CTDSPL: variants seen among roughly 807,000 people sequenced by gnomAD.
CTDSPL encodes CTD small phosphatase-like protein.
Under a neutral mutation model 30.5 loss-of-function variants are expected in CTDSPL, and 8 were observed. That is an observed-to-expected ratio of 0.26 (90% confidence interval 0.15 to 0.47). CTDSPL has a LOEUF of 0.47. Among genes scored for constraint, CTDSPL ranks in the 20% least tolerant of loss-of-function variants. The pLI, the probability that CTDSPL is intolerant of heterozygous loss-of-function variation, is 0.99. For synonymous variants in CTDSPL, 110 were observed against 137.9 expected, an observed-to-expected ratio of 0.80 and a Z score of 1.42; for missense variants, 248 against 366.1, an observed-to-expected ratio of 0.68 and a Z score of 2.63.
At chr3:37,893,919 T>C (rs909195235) in intron 1 of CTDSPL, among the ~76,000 whole-genome samples, 3 of 152,248 alleles carry the variant, frequency 2.0e-5, no homozygotes, top group Non-Finnish European at 4.4e-5. Flanking sequence ...AAATGTGTTT[T>C]GAAGTTTGTA....
intron 1 of CTDSPL, among the ~76,000 whole-genome samples, chr3:37,919,932 A>AATT (rs1698694251): frequency 6.6e-6 from 1 of 152,018 alleles, no homozygotes. Flanking sequence ...AAGGATAGGG[A>AATT]ATTATGGAAG....
chr3:37,893,988 CT>C (rs1698362639), intron 1 of CTDSPL, among the ~76,000 whole-genome samples: 1 of 152,108 alleles, frequency 6.6e-6, no homozygotes, highest in South Asian at 2.1e-4. Context: ...AAAGTTTTGA[CT>C]AAAAGATAAT....
At chr3:37,866,945 C>G (rs1313103988) in intron 1 of CTDSPL, among the ~76,000 whole-genome samples, 2 of 152,150 alleles carry the variant, frequency 1.3e-5, no homozygotes, top group African/African-American at 4.8e-5. Context: ...TTTAAGAAGT[C>G]ACAGAGACTT....
At chr3:37,903,508 C>A (rs778143594) in intron 1 of CTDSPL, among the ~76,000 whole-genome samples, 2 of 152,140 alleles carry the variant, frequency 1.3e-5, no homozygotes, top group Non-Finnish European at 2.9e-5. Context: ...TGACCAGGAC[C>A]TGAGCAGGAC....
At chr3:37,864,183 G>T (rs975124164) in intron 1 of CTDSPL, among the ~76,000 whole-genome samples, 2 of 152,212 alleles carry the variant, frequency 1.3e-5, no homozygotes, top group Non-Finnish European at 2.9e-5. Context: ...TTGAGGAGAG[G>T]TGTGGCACAA....
intron 6 of CTDSPL, among the ~76,000 whole-genome samples, chr3:37,971,897 G>A (rs1699371192): frequency 6.6e-6 from 1 of 152,236 alleles, no homozygotes; most frequent in Non-Finnish European, 1.5e-5. Flanking sequence ...AGAAGCAAGT[G>A]AGAGATAAGT....
intron 1 of CTDSPL, among the ~76,000 whole-genome samples, chr3:37,913,101 G>A (rs751601860): frequency 2.0e-5 from 3 of 152,110 alleles, no homozygotes; most frequent in Non-Finnish European, 2.9e-5. Context: ...CAGGCAAATC[G>A]CTAGAGCCCA....
intron 1 of CTDSPL, among the ~76,000 whole-genome samples, chr3:37,866,652 T>G (rs1402551851): frequency 6.6e-6 from 1 of 152,196 alleles, no homozygotes; most frequent in Non-Finnish European, 1.5e-5. Flanking sequence ...AACAGTTAAT[T>G]ATTTTGTAAG....
chr3:37,879,616 A>C (rs1245077391), intron 1 of CTDSPL, among the ~76,000 whole-genome samples: 1 of 152,122 alleles, frequency 6.6e-6, no homozygotes, highest in East Asian at 1.9e-4. Context: ...CTTTTCCCTC[A>C]TGTACCTGAT....
chr3:37,932,850 G>A (rs9825892), intron 1 of CTDSPL, among the ~76,000 whole-genome samples: 1 of 152,148 alleles, frequency 6.6e-6, no homozygotes, highest in Non-Finnish European at 1.5e-5. Context: ...ATCTGACATG[G>A]ACATAAAGAT....
At chr3:37,876,020 A>T (rs1698130874) in intron 1 of CTDSPL, among the ~76,000 whole-genome samples, 1 of 152,026 alleles carries the variant, frequency 6.6e-6, no homozygotes, top group African/African-American at 2.4e-5. Context: ...AGGTGGGAGG[A>T]TCACTGGGGC....
rs542426787 is a variant in CTDSPL, at chr3:37,971,198, A to G, written c.427-209A>G. Among the ~76,000 whole-genome samples the G allele has an allele frequency of 2.6e-5, 4 of 152,306 alleles. No homozygotes were observed. The East Asian group carries it at 7.7e-4, about 29-fold the overall frequency. ...TTTTTCCCTTAGGAGGGGCGTCTGC[A>G]GTGAACTCAGACCTGGAGCCCTGTC... On this transcript the variant is annotated intron_variant, in intron 5 of 7. Coordinates refer to ENST00000273179, the MANE Select transcript of CTDSPL (RefSeq NM_001008392.2).
intron 2 of CTDSPL, among the ~76,000 whole-genome samples, chr3:37,952,104 G>A (rs1274494815): frequency 6.6e-6 from 1 of 152,080 alleles, no homozygotes; most frequent in Non-Finnish European, 1.5e-5. Flanking sequence ...TTGAGGCCTG[G>A]AGGTTGAGGC....
At chr3:37,904,437 G>A (rs1319421187) in intron 1 of CTDSPL, among the ~76,000 whole-genome samples, 1 of 152,168 alleles carries the variant, frequency 6.6e-6, no homozygotes, top group African/African-American at 2.4e-5. Flanking sequence ...GAACTTCACA[G>A]TGTGAAGAGC....
At chr3:37,968,251 T>C (rs1324659750) in intron 5 of CTDSPL, 4 of 461,810 alleles carry the variant, frequency 8.7e-6, no homozygotes, top group South Asian at 1.6e-5. Flanking sequence ...CACCCACTTA[T>C]GGTGGACTCT....
At position 37,874,601 on chromosome 3, in the gene CTDSPL, G is replaced by T. The variant is rs547255643; in HGVS notation, c.79+12323G>T. Among the ~76,000 whole-genome samples, 35 of 152,240 alleles carry T rather than the reference G, an allele frequency of 2.3e-4. No homozygotes were observed. In the South Asian group the frequency reaches 6.8e-3, roughly 30 times the overall value. On this transcript the variant is annotated intron_variant, in intron 1 of 7. Transcript: ENST00000273179. ...AAAAATGAGCTGGGCGTGGTGGCACGCACTGGTAGTCCCAGCTGCTCGGGA... is the reference window on the plus strand; with the variant it reads ...AAAAATGAGCTGGGCGTGGTGGCACTCACTGGTAGTCCCAGCTGCTCGGGA...
chr3:37,914,873 C>CT (rs11304152), intron 1 of CTDSPL, among the ~76,000 whole-genome samples: 750 of 51,226 alleles, frequency 0.015, 73 homozygotes, highest in African/African-American at 0.045. Flanking sequence ...TATATATGTT[C>CT]TTTTTTTTTT....
chr3:37,923,586 C>T (rs544585136), intron 1 of CTDSPL, among the ~76,000 whole-genome samples: 33 of 152,040 alleles, frequency 2.2e-4, no homozygotes, highest in Non-Finnish European at 4.3e-4. Flanking sequence ...TATTATATAC[C>T]CTATAAAATT....
chr3:37,946,839 A>AT (rs1435112478), intron 1 of CTDSPL, among the ~76,000 whole-genome samples: 1 of 152,094 alleles, frequency 6.6e-6, no homozygotes, highest in Non-Finnish European at 1.5e-5. Context: ...AGCCAGAGGG[A>AT]TTGGACTCCA....
Sources: allele counts gnomAD v4.1 joint callset (sites outside exome capture counted in the v4.1 genomes callset), GRCh38; gene constraint gnomAD v4.1.1; transcripts MANE v1.5; gene names NCBI Gene and HGNC (gene_info 2026-07-23, HGNC 2026-07-21).